Variants in SPECC1L observed in about 807,000 individuals in gnomAD.
The protein encoded by SPECC1L is sperm antigen with calponin homology and coiled-coil domains 1 like.
SPECC1L carries 40 observed loss-of-function variants against 116.8 expected under a neutral mutation model. That is an observed-to-expected ratio of 0.34 (90% CI 0.27 to 0.45). The LOEUF is 0.45. Among genes scored for constraint, SPECC1L ranks in the 20% least tolerant of loss-of-function variants. SPECC1L has a pLI of 1.00. For synonymous variants in SPECC1L, 504 were observed against 500.6 expected (o/e 1.01, Z -0.09); for missense variants, 1,110 against 1,373.6 (o/e 0.81, Z 3.03).
At chr22:24,345,031 G>A (rs1038899860) in intron 10 of SPECC1L, among the ~76,000 whole-genome samples, 2 of 152,110 alleles carry the variant, frequency 1.3e-5, no homozygotes, top group Non-Finnish European at 2.9e-5. Flanking sequence ...GTAGTATTAA[G>A]TTCATATGGA....
At chr22:24,412,173 A>G (rs1041123884) in intron 15 of SPECC1L, 3 of 346,788 alleles carry the variant, frequency 8.7e-6, no homozygotes, top group African/African-American at 6.4e-5. Context: ...TCATCCAGAT[A>G]GTTCCTTGGG....
intron 14 of SPECC1L, among the ~76,000 whole-genome samples, chr22:24,390,830 G>C (rs3890551): frequency 0.16 from 23,906 of 146,110 alleles, 2,487 homozygotes; most frequent in East Asian, 0.23. Flanking sequence ...TGTATCTCAG[G>C]GCTCTTCTTG....
At chr22:24,406,966 G>A (rs924284362) in intron 14 of SPECC1L, among the ~76,000 whole-genome samples, 19 of 152,318 alleles carry the variant, frequency 1.2e-4, no homozygotes, top group African/African-American at 1.9e-4. Flanking sequence ...TTCCCTGGAG[G>A]AACCCCTTTT....
chr22:24,340,527 G>C (rs2041156061), intron 10 of SPECC1L, among the ~76,000 whole-genome samples: 1 of 152,134 alleles, frequency 6.6e-6, no homozygotes, highest in Non-Finnish European at 1.5e-5. Context: ...GCAAAATAAA[G>C]ATGCCAAATG....
At chr22:24,313,600 C>T (rs1164768995) in intron 4 of SPECC1L, 134 bp downstream of exon 4, 3 of 990,488 alleles carry the variant, frequency 3.0e-6, no homozygotes, top group African/African-American at 3.2e-5. Flanking sequence ...ATATTTCAGC[C>T]CAATACGCTC....
At chr22:24,404,149 A>G (rs1051682334) in intron 14 of SPECC1L, among the ~76,000 whole-genome samples, 33 of 151,360 alleles carry the variant, frequency 2.2e-4, no homozygotes, top group African/African-American at 8.0e-4. Flanking sequence ...CTTTCCCCCA[A>G]CCCCCAGCCC....
chr22:24,328,763 A>T (rs2040878484), intron 6 of SPECC1L, 83 bp from the exon 7 acceptor site: 2 of 1,084,828 alleles, frequency 1.8e-6, no homozygotes, highest in African/African-American at 1.6e-5. Flanking sequence ...TTCGAATGTC[A>T]TATTTAAGTA....
intron 14 of SPECC1L, among the ~76,000 whole-genome samples, chr22:24,381,679 T>C (rs1366561440): frequency 6.6e-6 from 1 of 151,664 alleles, no homozygotes; most frequent in Non-Finnish European, 1.5e-5. Context: ...GATCAGGAGA[T>C]CGAGACCATC....
At chr22:24,339,592 A>G (rs925933511) in intron 10 of SPECC1L, among the ~76,000 whole-genome samples, 14 of 152,218 alleles carry the variant, frequency 9.2e-5, no homozygotes, top group Admixed American at 5.9e-4. Flanking sequence ...GAGAGTAGCC[A>G]AAGGAAACAT....
chr22:24,286,876 C>T (rs1426135330), intron 2 of SPECC1L, among the ~76,000 whole-genome samples: 1 of 152,110 alleles, frequency 6.6e-6, no homozygotes, highest in Non-Finnish European at 1.5e-5. Flanking sequence ...CCACTGCACT[C>T]CAGCCTGGGC....
intron 11 of SPECC1L, among the ~76,000 whole-genome samples, chr22:24,349,061 G>T (rs564116765): frequency 2.0e-5 from 3 of 150,670 alleles, no homozygotes; most frequent in Non-Finnish European, 4.4e-5. Context: ...GTTTTTTTGA[G>T]ACAGAGTCTC....
Position 24,307,194 on chromosome 22 carries a change from G to A in SPECC1L, c.153+4810G>A, listed in dbSNP as rs62233099. Among the ~76,000 whole-genome samples, 1,126 of 152,198 alleles carry A rather than the reference G, an allele frequency of 7.4e-3. 6 individuals carry two copies. The highest frequency in any genetic ancestry group is 0.012 in the South Asian group (59 of 4,810). On this transcript the variant is annotated intron_variant, in intron 3 of 16. Coordinates refer to ENST00000314328, the MANE Select transcript of SPECC1L (RefSeq NM_015330.6). ...CGTAGGTGGAATTGCTACATCATATGGCAAGTCCATTTTTAATTCTTTAAG... is the reference window on the plus strand; with the variant it reads ...CGTAGGTGGAATTGCTACATCATATAGCAAGTCCATTTTTAATTCTTTAAG...
At chr22:24,303,848 T>TGG (rs2049434666) in intron 3 of SPECC1L, among the ~76,000 whole-genome samples, 1 of 53,566 alleles carries the variant, frequency 1.9e-5, no homozygotes, top group African/African-American at 7.4e-5. Context: ...AAATAGGGTG[T>TGG]GTGTGTGTGT....
intron 14 of SPECC1L, among the ~76,000 whole-genome samples, chr22:24,403,624 C>G (rs1021503420): frequency 6.6e-6 from 1 of 152,180 alleles, no homozygotes; most frequent in Non-Finnish European, 1.5e-5. Flanking sequence ...CCAGCCCCTC[C>G]GCTCTTCAGC....
At chr22:24,361,956 T>A (rs1185663825) in intron 11 of SPECC1L, among the ~76,000 whole-genome samples, 1 of 152,230 alleles carries the variant, frequency 6.6e-6, no homozygotes, top group African/African-American at 2.4e-5. Flanking sequence ...AGAGATAGCA[T>A]GATATGCCAT....
At chr22:24,299,459 A>G (rs1443079299) in intron 2 of SPECC1L, among the ~76,000 whole-genome samples, 3 of 152,088 alleles carry the variant, frequency 2.0e-5, no homozygotes, top group Non-Finnish European at 4.4e-5. Flanking sequence ...AACAGGGGGT[A>G]TTTGGGTCTG....
In SPECC1L at chr22:24,322,030, T is replaced by C; in HGVS notation, c.1050T>C (p.Ser350=). 1 of 1,614,190 alleles carries C rather than the reference T, an allele frequency of 6.2e-7. No individual in the cohort carries two copies. Among genetic ancestry groups the C allele is most frequent in the Non-Finnish European group, 8.5e-7 (1 of 1,180,020 alleles). ...NSMDNLDSEC[S]EVYQPLTSSD... is the part of the protein sequence containing the mutation. ...TGGACAATTTAGACAGTGAGTGCAG[T>C]GAGGTCTACCAGCCCCTCACATCGA... Residue 350 remains serine (S), a synonymous_variant, in exon 5 of 17, where the codon AGT becomes AGC. Coordinates refer to ENST00000314328, the MANE Select transcript of SPECC1L (RefSeq NM_015330.6).
At chr22:24,402,660 G>T (rs146926618) in intron 14 of SPECC1L, among the ~76,000 whole-genome samples, 1 of 152,290 alleles carries the variant, frequency 6.6e-6, no homozygotes, top group East Asian at 1.9e-4. Context: ...TGGGGACAGC[G>T]CTCTGCACGG....
At chr22:24,284,879 C>T (rs753913210) in intron 2 of SPECC1L, among the ~76,000 whole-genome samples, 1 of 152,018 alleles carries the variant, frequency 6.6e-6, no homozygotes, top group Non-Finnish European at 1.5e-5. Context: ...GATAAAAGGC[C>T]AGTGGAGTGA....
Sources: gnomAD v4.1 joint callset for allele counts (sites outside exome capture counted in the v4.1 genomes callset) on GRCh38, gnomAD v4.1.1 for gene constraint, MANE v1.5 for transcripts, NCBI Gene and HGNC (gene_info 2026-07-23, HGNC 2026-07-21) for gene names.